Variants in CSMD3 observed in about 807,000 individuals in gnomAD.
CSMD3 encodes CUB and sushi domain-containing protein 3.
Under a neutral mutation model 435.2 loss-of-function variants are expected in CSMD3, and 177 were observed. That is an observed-to-expected ratio of 0.41 (90% CI 0.36 to 0.46). The LOEUF (loss-of-function observed/expected upper bound fraction) is 0.46, where lower values mean the gene tolerates loss of function less well. CSMD3 is among the 20% of genes least tolerant of loss of function. The pLI, the probability that CSMD3 is intolerant of heterozygous loss-of-function variation, is 0.34. For synonymous variants in CSMD3, 1,656 were observed against 1,520.5 expected (o/e 1.09, Z -2.07); for missense variants, 4,265 against 4,504.6 (o/e 0.95, Z 1.52).
intron 41 of CSMD3, among the ~76,000 whole-genome samples, chr8:112,342,539 C>T (rs957415700): frequency 6.6e-6 from 1 of 151,938 alleles, no homozygotes; most frequent in Non-Finnish European, 1.5e-5. Flanking sequence ...TTTATATATG[C>T]TAACTTATTT....
At chr8:112,647,987 A>G (rs1164089408) in intron 19 of CSMD3, among the ~76,000 whole-genome samples, 2 of 152,222 alleles carry the variant, frequency 1.3e-5, no homozygotes, top group Non-Finnish European at 2.9e-5. Flanking sequence ...TTACCACCAT[A>G]CTACATTGTC....
chr8:112,800,232 A>G lies in CSMD3; in HGVS notation c.1902T>C (p.Ser634=), dbSNP rs2078928940. The G allele has an allele frequency of 6.2e-7, 1 of 1,612,838 alleles. No homozygotes were observed. Among genetic ancestry groups the G allele is most frequent in the Non-Finnish European group, 8.5e-7 (1 of 1,179,134 alleles). ...SFVPDLIVSM[S]SQMWLHLQTD... ...TTTGAAGGTGCAGCCACATTTGGCT[A>G]CTCATGCTCACTATCAAGTCTGGTA... The change falls in exon 13 of 71, where the codon AGT becomes AGC. Residue 634 remains serine, a synonymous_variant. Coordinates refer to ENST00000297405, the MANE Select transcript of CSMD3 (RefSeq NM_198123.2).
chr8:112,754,298 T>A (rs916196939), intron 13 of CSMD3, among the ~76,000 whole-genome samples: 5 of 152,164 alleles, frequency 3.3e-5, no homozygotes, highest in African/African-American at 1.2e-4. Flanking sequence ...TTGGTGGAGA[T>A]AAGAGTCACT....
At chr8:112,474,263 C>G (rs1419343856) in intron 31 of CSMD3, among the ~76,000 whole-genome samples, 1 of 152,040 alleles carries the variant, frequency 6.6e-6, no homozygotes, top group Non-Finnish European at 1.5e-5. Flanking sequence ...GTATCTGGTC[C>G]TTTACAGAAG....
At chr8:113,411,031 AAGAG>A (rs1588681185) in intron 1 of CSMD3, among the ~76,000 whole-genome samples, 1 of 151,812 alleles carries the variant, frequency 6.6e-6, no homozygotes, top group East Asian at 1.9e-4. Context: ...AAGAAAGAAA[AAGAG>A]AAAGAAGAGG....
chr8:113,145,967 G>C (rs753898247), intron 4 of CSMD3, among the ~76,000 whole-genome samples: 3 of 151,428 alleles, frequency 2.0e-5, no homozygotes, highest in Non-Finnish European at 4.4e-5. Context: ...ATAAGCATTT[G>C]TTGAGTACAA....
intron 3 of CSMD3, among the ~76,000 whole-genome samples, chr8:113,212,847 C>A (rs1057424266): frequency 6.6e-6 from 1 of 150,658 alleles, no homozygotes; most frequent in Admixed American, 6.7e-5. Context: ...TGTAACTAAC[C>A]TGCACATTAT....
intron 29 of CSMD3, among the ~76,000 whole-genome samples, chr8:112,506,311 A>G (rs1344439758): frequency 1.4e-4 from 21 of 152,164 alleles, no homozygotes; most frequent in Admixed American, 1.4e-3. Flanking sequence ...CTGGTGGCAG[A>G]AAAAGGAATT....
chr8:112,280,005 T>A (rs1818468661), intron 59 of CSMD3, among the ~76,000 whole-genome samples: 1 of 152,122 alleles, frequency 6.6e-6, no homozygotes, highest in African/African-American at 2.4e-5. Flanking sequence ...ATGCCATTAT[T>A]TTGAGGGCAA....
rs556797261 is a variant in CSMD3, at chr8:112,570,884, A to G, written c.4042+2617T>C. On this transcript the variant is annotated intron_variant, in intron 24 of 70. Transcript: ENST00000297405. ...TTAGTTTTATCTCTAAGACTAAAAA[A>G]TATTTATAAATGTATGTTTTCCCTT... 7.9e-5 allele frequency among the ~76,000 whole-genome samples: 12 copies of G among 152,314 alleles called. No homozygotes were observed. In the South Asian group the frequency reaches 2.5e-3, roughly 32 times the overall value.
intron 3 of CSMD3, among the ~76,000 whole-genome samples, chr8:113,270,686 G>C (rs991307886): frequency 1.3e-5 from 2 of 152,060 alleles, no homozygotes; most frequent in Non-Finnish European, 2.9e-5. Flanking sequence ...GGACATGGAT[G>C]AAGCTGGAAA....
chr8:113,382,715 C>T lies in CSMD3; in HGVS notation c.178+53962G>A, dbSNP rs990365363. ...AAACAGTTGGCCAGGCGTGGTGGCT[C>T]ATGCCTGTAATCCCAGCACTTTGGG... On this transcript the variant is annotated intron_variant, in intron 1 of 70. Coordinates refer to ENST00000297405, the MANE Select transcript of CSMD3 (RefSeq NM_198123.2). 2.6e-5 allele frequency among the ~76,000 whole-genome samples: 4 copies of T among 152,142 alleles called. No homozygotes were observed. In the South Asian group the frequency reaches 8.3e-4, roughly 31 times the overall value.
At chr8:112,623,308 T>G (rs1178660613) in intron 22 of CSMD3, among the ~76,000 whole-genome samples, 5 of 152,054 alleles carry the variant, frequency 3.3e-5, no homozygotes, top group Non-Finnish European at 7.4e-5. Flanking sequence ...AGCGGGACTT[T>G]CTCATCTTTT....
intron 13 of CSMD3, among the ~76,000 whole-genome samples, chr8:112,710,792 T>C (rs2076593705): frequency 6.6e-6 from 1 of 150,920 alleles, no homozygotes; most frequent in African/African-American, 2.4e-5. Context: ...TGATGTATAC[T>C]AGATAAGCAT....
intron 9 of CSMD3, among the ~76,000 whole-genome samples, chr8:112,922,044 C>T (rs975926417): frequency 6.6e-6 from 1 of 151,934 alleles, no homozygotes; most frequent in African/African-American, 2.4e-5. Context: ...CAGTACAGTG[C>T]TTGTGTTCAT....
At chr8:113,026,072 C>T (rs547129752) in intron 5 of CSMD3, among the ~76,000 whole-genome samples, 101 of 152,300 alleles carry the variant, frequency 6.6e-4, no homozygotes, top group Admixed American at 1.3e-3. Flanking sequence ...ATAGGCTCCT[C>T]ACTCTGGAGC....
chr8:112,575,018 T>C (rs971895465), intron 23 of CSMD3, among the ~76,000 whole-genome samples: 1 of 152,006 alleles, frequency 6.6e-6, no homozygotes, highest in African/African-American at 2.4e-5. Context: ...TATTATTATA[T>C]TAATCTGAAT....
At chr8:112,230,239 A>C (rs1157854822) in intron 69 of CSMD3, among the ~76,000 whole-genome samples, 8 of 152,198 alleles carry the variant, frequency 5.3e-5, no homozygotes, top group Non-Finnish European at 1.2e-4. Context: ...AATATTCAGC[A>C]CTAAATTATA....
In CSMD3 at chr8:112,990,338, G is replaced by T. The variant is rs939484399; in HGVS notation, c.1031-14190C>A. Among the ~76,000 whole-genome samples the T allele has an allele frequency of 4.0e-5, 6 of 151,888 alleles. No individual in the cohort carries two copies. The East Asian group carries it at 1.2e-3, about 30-fold the overall frequency. On this transcript the variant is annotated intron_variant, in intron 6 of 70. Coordinates refer to ENST00000297405, the MANE Select transcript of CSMD3 (RefSeq NM_198123.2). ...TGTAACTACACATGCGAGCAAAAAA[G>T]CATCTTGCCAACAAAGAGAATTGTG...
Sources: gnomAD v4.1 joint callset for allele counts (sites outside exome capture counted in the v4.1 genomes callset) on GRCh38, gnomAD v4.1.1 for gene constraint, MANE v1.5 for transcripts, NCBI Gene and HGNC (gene_info 2026-07-23, HGNC 2026-07-21) for gene names.